Variants in BIRC6 observed in about 807,000 individuals in gnomAD.
BIRC6 encodes dual E2 ubiquitin-conjugating enzyme/E3 ubiquitin-protein ligase BIRC6.
BIRC6 carries 98 observed loss-of-function variants against 503.3 expected under a neutral mutation model. The ratio of observed to expected loss-of-function variants is 0.19; its 90% CI spans 0.17 to 0.23. The LOEUF (loss-of-function observed/expected upper bound fraction) is 0.23. BIRC6 is among the 10% of genes least tolerant of loss of function. The pLI is 1.00. For synonymous variants in BIRC6, 2,240 were observed against 2,078.7 expected, an observed-to-expected ratio of 1.08 and a Z score of -2.11; for missense variants, 5,360 against 5,806.0, an observed-to-expected ratio of 0.92 and a Z score of 2.50.
intron 57 of BIRC6, chr2:32,522,349 TC>T (rs1305633345): frequency 6.6e-6 from 1 of 151,938 alleles, no homozygotes; most frequent in Non-Finnish European, 1.5e-5. Context: ...TTTTATTTTT[TC>T]ATGAAATATA....
chr2:32,518,472 T>C, intron 56 of BIRC6, 75 bp downstream of exon 56: 1 of 1,435,502 alleles, frequency 7.0e-7, no homozygotes, highest in Non-Finnish European at 9.4e-7. Context: ...TGCAGTTACC[T>C]CCTATGTTCT....
At chr2:32,584,216 A>G (rs1019010669) in intron 66 of BIRC6, among the ~76,000 whole-genome samples, 3 of 152,112 alleles carry the variant, frequency 2.0e-5, no homozygotes, top group African/African-American at 7.2e-5. Context: ...TCTCTTCTTT[A>G]AAATAATATT....
chr2:32,519,178 A>G, intron 57 of BIRC6: 1 of 392,258 alleles, frequency 2.5e-6, no homozygotes, highest in Non-Finnish European at 4.7e-6. Context: ...AGAAATGGGC[A>G]GCTAGAAATA....
rs1047271035 is a variant in BIRC6 at position 32,510,117 on chromosome 2, C to G, written c.10237+123C>G. 5 of 1,136,774 alleles carry G rather than the reference C, an allele frequency of 4.4e-6. No individual in the cohort carries two copies. The African/African-American group carries it at 4.7e-5, about 11-fold the overall frequency. The allele number at this position is 1,136,774 out of a possible 1,614,324, so 70.4% of individuals were successfully genotyped here. On this transcript the variant is annotated intron_variant, in intron 52 of 73. Coordinates refer to ENST00000421745, the MANE Select transcript of BIRC6 (RefSeq NM_016252.4). ...TTTTTCTTTTAGTTTATGTTTATCT[C>G]TCCTCTCTTCTCTGATGGAGTCTCA...
At chr2:32,497,880 A>C (rs922676677) in intron 45 of BIRC6, among the ~76,000 whole-genome samples, 1 of 152,174 alleles carries the variant, frequency 6.6e-6, no homozygotes, top group Non-Finnish European at 1.5e-5. Context: ...TGGTCTATAT[A>C]GACTATATAG....
At chr2:32,463,149 T>C in intron 23 of BIRC6, 45 bp from the exon 24 acceptor site, 1 of 1,490,988 alleles carries the variant, frequency 6.7e-7, no homozygotes, top group Non-Finnish European at 9.1e-7. Context: ...CTTTTCTTCA[T>C]CCTGGTGTTT....
At chr2:32,462,500 C>T (rs1372067015) in intron 23 of BIRC6, among the ~76,000 whole-genome samples, 5 of 152,168 alleles carry the variant, frequency 3.3e-5, no homozygotes, top group African/African-American at 9.7e-5. Flanking sequence ...GGATATGCCT[C>T]TCTCCATTTT....
At chr2:32,613,147 T>G (rs1001978381) in intron 73 of BIRC6, among the ~76,000 whole-genome samples, 2 of 151,792 alleles carry the variant, frequency 1.3e-5, no homozygotes, top group Non-Finnish European at 2.9e-5. Flanking sequence ...CCATTCATAT[T>G]TCAGCTTAAA....
Position 32,501,907 on chromosome 2 carries a change from C to A in BIRC6, c.9207+19C>A. ...CAGACAAGTAAGTTCAAGCCAACAA[C>A]AGTTGCAGTGATTCAAATAAATTTA... On this transcript the variant is annotated intron_variant, in intron 47 of 73. Transcript: ENST00000421745. 6.3e-7 allele frequency: 1 copy of A among 1,575,026 alleles called. No individual in the cohort carries two copies. Among genetic ancestry groups the A allele is most frequent in the Non-Finnish European group, 8.6e-7 (1 of 1,164,284 alleles).
rs766202018 is a variant in BIRC6 at position 32,607,493 on chromosome 2, G to A, written c.14109G>A (p.Glu4703=). The A allele has an allele frequency of 3.2e-5, 51 of 1,608,710 alleles. No homozygotes were observed. The highest frequency in any genetic ancestry group is 4.3e-5 in the Non-Finnish European group (51 of 1,176,236). ...TCCAGTCCCTTATATTAGTAGCTGA[G>A]CCTTATTTTAATGAACCGGGATATG... is the stretch of plus-strand genomic sequence containing the variant. The part of the protein sequence containing the change: ...VSVQSLILVA[E]PYFNEPGYER... The change falls in exon 72 of 74, where the codon GAG becomes GAA. Residue 4703 remains glutamate, a synonymous_variant. Transcript: ENST00000421745.
chr2:32,585,460 A>G (rs1015290172), intron 66 of BIRC6, among the ~76,000 whole-genome samples: 1 of 151,694 alleles, frequency 6.6e-6, no homozygotes, highest in African/African-American at 2.4e-5. Context: ...GCTCACTGCA[A>G]CCTCCGCCTC....
chr2:32,366,452 T>C (rs2034944054), intron 1 of BIRC6, among the ~76,000 whole-genome samples: 1 of 152,182 alleles, frequency 6.6e-6, no homozygotes, highest in Non-Finnish European at 1.5e-5. Context: ...TAAATGTGGA[T>C]GTATGATATT....
At chr2:32,605,351 T>G (rs1330969078) in intron 71 of BIRC6, among the ~76,000 whole-genome samples, 1 of 152,164 alleles carries the variant, frequency 6.6e-6, no homozygotes, top group Non-Finnish European at 1.5e-5. Flanking sequence ...CTGACTGAGA[T>G]CTATAAAACC....
chr2:32,459,407 G>GT lies in BIRC6; in HGVS notation c.4754-3781dup, dbSNP rs537223522. On this transcript the variant is annotated intron_variant, in intron 23 of 73. Transcript: ENST00000421745. ...GTTTGTGTAGGTTTTGTTTTGTTTT[G>GT]TTTTTTGTTTTTGTTTTTTGGTCAA... Among the ~76,000 whole-genome samples the GT allele has an allele frequency of 9.0e-3, 1,369 of 151,884 alleles. 12 individuals are homozygous for GT. The highest frequency in any genetic ancestry group is 0.015 in the Non-Finnish European group (1,004 of 67,952).
chr2:32,380,128 T>G (rs2037414191), intron 2 of BIRC6, 25 bp from the exon 3 acceptor site: 2 of 1,441,050 alleles, frequency 1.4e-6, no homozygotes, highest in East Asian at 2.5e-5. Flanking sequence ...TTCTGTGATT[T>G]TTTTATTTTT....
intron 65 of BIRC6, chr2:32,574,875 G>A: frequency 2.4e-6 from 1 of 411,918 alleles, no homozygotes; most frequent in Non-Finnish European, 4.5e-6. Context: ...CAGCCTCCGA[G>A]TAGCTGAGAT....
chr2:32,603,121 A>G (rs2062178917), intron 71 of BIRC6, 38 bp downstream of exon 71: 3 of 1,552,768 alleles, frequency 1.9e-6, no homozygotes, highest in Non-Finnish European at 2.6e-6. Context: ...CTTAAGAAAT[A>G]AAGAACTGTG....
chr2:32,542,772 G>A (rs1201894480), intron 61 of BIRC6, among the ~76,000 whole-genome samples: 1 of 152,174 alleles, frequency 6.6e-6, no homozygotes, highest in Non-Finnish European at 1.5e-5. Flanking sequence ...TACTTCTGCT[G>A]TCATGTGCGT....
In BIRC6 at chr2:32,477,405, A is replaced by G; in HGVS notation, c.6890A>G (p.Glu2297Gly). 1 of 1,613,952 alleles carries G rather than the reference A, an allele frequency of 6.2e-7. No individual in the cohort carries two copies. Among genetic ancestry groups the G allele is most frequent in the Non-Finnish European group, 8.5e-7 (1 of 1,179,872 alleles). ...KDLIRLRRTAEWSRSNLDTEV... is the reference protein window; with the variant it reads ...KDLIRLRRTAGWSRSNLDTEV... ...TTAATTCGTTTACGTCGGACAGCAGAATGGTCCCGTTCTAATTTAGACACA... is the reference window on the plus strand; with the variant it reads ...TTAATTCGTTTACGTCGGACAGCAGGATGGTCCCGTTCTAATTTAGACACA... The change falls in exon 35 of 74, where the codon GAA becomes GGA. Residue 2297 changes from glutamate to glycine, a missense_variant. Around this residue, in one of 16 missense-constraint regions of BIRC6, gnomAD observed 2,299 missense variants for 2,267.2 expected, o/e 1.01. Transcript: ENST00000421745.
Sources: allele counts gnomAD v4.1 joint callset (sites outside exome capture counted in the v4.1 genomes callset), GRCh38; gene constraint gnomAD v4.1.1; regional missense constraint gnomAD v4.1.1; transcripts MANE v1.5; gene names NCBI Gene and HGNC (gene_info 2026-07-23, HGNC 2026-07-21).